Variants in ANKS1B observed in about 807,000 individuals in gnomAD.
ANKS1B encodes the protein ankyrin repeat and sterile alpha motif domain-containing protein 1B.
ANKS1B carries 36 observed loss-of-function variants against 148.3 expected under a neutral mutation model. That is an observed-to-expected ratio of 0.24 (90% confidence interval 0.19 to 0.32). ANKS1B has a LOEUF of 0.32. Among genes scored for constraint, ANKS1B ranks in the 10% least tolerant of loss-of-function variants. The pLI, the probability that ANKS1B is intolerant of heterozygous loss-of-function variation, is 1.00. For synonymous variants in ANKS1B, 542 were observed against 560.8 expected, an observed-to-expected ratio of 0.97 and a Z score of 0.47; for missense variants, 1,157 against 1,542.6, an observed-to-expected ratio of 0.75 and a Z score of 4.19.
At chr12:99,105,061 A>G (rs900137483) in intron 15 of ANKS1B, 9 of 152,242 alleles carry the variant, frequency 5.9e-5, no homozygotes, top group African/African-American at 9.6e-5. Flanking sequence ...TGAAATTTGA[A>G]TCTTCAAATA....
intron 12 of ANKS1B, among the ~76,000 whole-genome samples, chr12:99,307,301 T>C (rs73143016): frequency 0.15 from 22,630 of 152,028 alleles, 1,781 homozygotes; most frequent in Non-Finnish European, 0.19. Context: ...ATGTAGCCAG[T>C]ATGCATATCT....
intron 16 of ANKS1B, among the ~76,000 whole-genome samples, chr12:99,068,993 A>C (rs992190446): frequency 1.3e-5 from 2 of 152,168 alleles, no homozygotes; most frequent in Admixed American, 1.3e-4. Context: ...TGACATATCT[A>C]TCTCTGTCTA....
intron 8 of ANKS1B, among the ~76,000 whole-genome samples, chr12:99,770,687 A>T (rs1234243300): frequency 6.6e-6 from 1 of 152,048 alleles, no homozygotes; most frequent in Non-Finnish European, 1.5e-5. Flanking sequence ...TTAAAAAAAA[A>T]ACCAAAATTC....
chr12:99,116,737 A>C (rs1201252944), intron 15 of ANKS1B, among the ~76,000 whole-genome samples: 2 of 152,160 alleles, frequency 1.3e-5, no homozygotes, highest in Non-Finnish European at 2.9e-5. Flanking sequence ...TTCTGTGAAG[A>C]AAGTCAATAG....
intron 1 of ANKS1B, among the ~76,000 whole-genome samples, chr12:99,903,747 G>A (rs1473450138): frequency 6.7e-6 from 1 of 150,374 alleles, no homozygotes; most frequent in East Asian, 1.9e-4. Context: ...GGAAAAATGG[G>A]AGGGGGGGAG....
chr12:99,518,546 T>C lies in ANKS1B; in HGVS notation c.1273-13905A>G, dbSNP rs78872593. ...AATGATCCTCTGAATTTCTGCTTTA[T>C]AGGTTGTAATGTCTCCTTTTTCATC... On this transcript the variant is annotated intron_variant, in intron 9 of 26. Coordinates refer to ENST00000683438, the MANE Select transcript of ANKS1B (RefSeq NM_001352186.2). Among the ~76,000 whole-genome samples, 22 of 152,272 alleles carry C rather than the reference T, an allele frequency of 1.4e-4. No homozygotes were observed. The East Asian group carries it at 2.1e-3, about 15-fold the overall frequency.
At chr12:99,583,667 AAATT>A (rs1216379498) in intron 9 of ANKS1B, among the ~76,000 whole-genome samples, 2 of 152,186 alleles carry the variant, frequency 1.3e-5, no homozygotes, top group Admixed American at 1.3e-4. Context: ...AATTAATGCC[AAATT>A]ATTTTTCAGG....
chr12:98,745,634 G>T lies in ANKS1B; in HGVS notation c.*105C>A. The T allele has an allele frequency of 6.6e-7, 1 of 1,517,278 alleles. No homozygotes were observed. The highest frequency in any genetic ancestry group is 1.3e-5 in the South Asian group (1 of 76,728). The allele number at this position is 1,517,278 out of a possible 1,614,324, so 94.0% of individuals were successfully genotyped here. On this transcript the variant is annotated 3_prime_UTR_variant, in exon 27 of 27. Coordinates refer to ENST00000683438, the MANE Select transcript of ANKS1B (RefSeq NM_001352186.2). ...CGCCCGTAACAAGGCCGCACGCTCA[G>T]AGCAGTCTTCCTCCTGGGCTGGGTG...
At chr12:99,558,076 T>A (rs2097295988) in intron 9 of ANKS1B, among the ~76,000 whole-genome samples, 1 of 152,132 alleles carries the variant, frequency 6.6e-6, no homozygotes, top group African/African-American at 2.4e-5. Context: ...AACGCTACAA[T>A]GGAGAGTGTA....
In ANKS1B at chr12:98,821,960, T is replaced by C. The variant is rs561129240; in HGVS notation, c.3066+7214A>G. On this transcript the variant is annotated intron_variant, in intron 19 of 26. Coordinates refer to ENST00000683438, the MANE Select transcript of ANKS1B (RefSeq NM_001352186.2). Reference sequence around the variant, plus strand: ...CTCTTGGAAAGATAGGTTCTCTTTCTTGTAACTTCAAGTTAAACAGCAATT... The same window carrying C: ...CTCTTGGAAAGATAGGTTCTCTTTCCTGTAACTTCAAGTTAAACAGCAATT... 1.7e-4 allele frequency among the ~76,000 whole-genome samples: 26 copies of C among 151,622 alleles called. No individual in the cohort carries two copies. In the South Asian group the frequency reaches 5.3e-3, roughly 31 times the overall value.
intron 17 of ANKS1B, among the ~76,000 whole-genome samples, chr12:98,862,874 A>G (rs1360186653): frequency 6.6e-6 from 1 of 152,202 alleles, no homozygotes; most frequent in Non-Finnish European, 1.5e-5. Flanking sequence ...GCATTTTGAT[A>G]GGGATATTTT....
At chr12:99,904,052 C>A (rs2093693842) in intron 1 of ANKS1B, among the ~76,000 whole-genome samples, 1 of 152,130 alleles carries the variant, frequency 6.6e-6, no homozygotes, top group Non-Finnish European at 1.5e-5. Context: ...TCTACCCAGG[C>A]CCTTTGCAGG....
intron 17 of ANKS1B, among the ~76,000 whole-genome samples, chr12:98,875,359 G>T (rs950513533): frequency 6.6e-6 from 1 of 152,154 alleles, no homozygotes; most frequent in Non-Finnish European, 1.5e-5. Flanking sequence ...GGCTCCCCAT[G>T]CCCTATAAGA....
chr12:99,244,475 A>C, intron 13 of ANKS1B, 61 bp from the exon 14 acceptor site: 2 of 1,182,596 alleles, frequency 1.7e-6, no homozygotes, highest in East Asian at 2.6e-5. Context: ...TTGTATTTTA[A>C]AATAAGTTTC....
intron 9 of ANKS1B, among the ~76,000 whole-genome samples, chr12:99,542,971 GAAAT>G (rs1484974575): frequency 3.9e-5 from 6 of 151,970 alleles, no homozygotes; most frequent in African/African-American, 1.4e-4. Context: ...AGTAACAAAA[GAAAT>G]AAATAAACTG....
rs139044705 is a variant in ANKS1B at position 99,488,154 on chromosome 12, C to T, written c.1438+16322G>A. On this transcript the variant is annotated intron_variant, in intron 10 of 26. Transcript: ENST00000683438. The stretch of plus-strand genomic sequence containing the variant: ...TTTGACTAATGATAGTCCTGCAATG[C>T]CTTTCTTTATGTTGGTTTTGCTTGA... 7.2e-3 allele frequency among the ~76,000 whole-genome samples: 1,094 copies of T among 152,160 alleles called. 8 individuals carry two copies. The highest frequency in any genetic ancestry group is 0.012 in the Non-Finnish European group (783 of 67,986).
At chr12:98,838,258 G>A (rs187458177) in intron 17 of ANKS1B, among the ~76,000 whole-genome samples, 6 of 152,102 alleles carry the variant, frequency 3.9e-5, no homozygotes, top group South Asian at 4.1e-4. Flanking sequence ...TACAATTTCC[G>A]TTCTCAATGC....
Position 99,850,289 on chromosome 12 carries a change from CTCT to C in ANKS1B, c.135-24903_135-24901del, listed in dbSNP as rs2087539563. On this transcript the variant is annotated intron_variant, in intron 1 of 26. Coordinates refer to ENST00000683438, the MANE Select transcript of ANKS1B (RefSeq NM_001352186.2). ...ACAGCAGAAGCAAGAAAGTCTCTCTCTCTCTCTCTCTCTCTCTCTCTCTCTCTC... is the reference window on the plus strand; with the variant it reads ...ACAGCAGAAGCAAGAAAGTCTCTCTCCTCTCTCTCTCTCTCTCTCTCTCTC... 8.6e-5 allele frequency among the ~76,000 whole-genome samples: 13 copies of C among 150,588 alleles called. 1 individual carries two copies. Among genetic ancestry groups the C allele is most frequent in the African/African-American group, 2.4e-4 (10 of 41,064 alleles).
chr12:99,524,209 T>A (rs377705059), intron 9 of ANKS1B, among the ~76,000 whole-genome samples: 2 of 152,116 alleles, frequency 1.3e-5, no homozygotes, highest in African/African-American at 2.4e-5. Context: ...AACATGAATA[T>A]GAAATCAGAA....
Sources: allele counts gnomAD v4.1 joint callset (sites outside exome capture counted in the v4.1 genomes callset), GRCh38; gene constraint gnomAD v4.1.1; transcripts MANE v1.5; gene names NCBI Gene and HGNC (gene_info 2026-07-23, HGNC 2026-07-21).